Variants in TONSL observed in about 807,000 individuals in gnomAD.
The protein encoded by TONSL is tonsoku like, DNA repair protein, also known as tonsoku-like protein.
Under a neutral mutation model 147.1 loss-of-function variants are expected in TONSL, and 112 were observed. That is an observed-to-expected ratio of 0.76 (90% CI 0.65 to 0.89). The LOEUF is 0.89. Ranked by LOEUF, TONSL falls within the 40% of genes least tolerant of loss-of-function variation. TONSL has a pLI of 0.00. For synonymous variants in TONSL, 868 were observed against 801.5 expected (o/e 1.08, Z -1.40); for missense variants, 1,883 against 1,864.6 (o/e 1.01, Z -0.18).
rs202100361 is a variant in TONSL, at chr8:144,433,599, C to T, written c.3548G>A (p.Ser1183Asn). The change falls in exon 22 of 26, where the codon AGT becomes AAT. Residue 1183 changes from serine (S) to asparagine (N), a missense_variant. Coordinates refer to ENST00000409379, the MANE Select transcript of TONSL (RefSeq NM_013432.5). The part of the protein sequence containing the change: ...FFLSHQTALG[S>N]AFQDAEHLKT... Reference sequence around the variant, plus strand: ...CCTGGTCAGCTCACCTTGGAAAGCACTACCCAGTGCTGTCTGGTGGCTCAG... The same window carrying T: ...CCTGGTCAGCTCACCTTGGAAAGCATTACCCAGTGCTGTCTGGTGGCTCAG... 5.9e-5 allele frequency: 95 copies of T among 1,613,370 alleles called. No homozygotes were observed. The East Asian group carries it at 1.1e-3, about 18-fold the overall frequency.
In TONSL at chr8:144,429,289, C is replaced by A; in HGVS notation, c.3991G>T (p.Ala1331Ser). 6.6e-7 allele frequency: 1 copy of A among 1,506,814 alleles called. No individual in the cohort carries two copies. The highest frequency in any genetic ancestry group is 8.9e-7 in the Non-Finnish European group (1 of 1,124,144). 93.3% of individuals were successfully genotyped at this position (1,506,814 alleles called of 1,614,324 possible). ...AGCTGCAGTTCCCGGAGCTGCGCGG[C>A]TATCTTGTCCCACAGGCCCAGGCCC... is the stretch of plus-strand genomic sequence containing the variant. The part of the protein sequence containing the change: ...PLGLGLWDKI[A>S]AQLRELQLCS... The change falls in exon 26 of 26, where the codon GCC (alanine) becomes TCC (serine). Residue 1331 changes from alanine to serine, a missense_variant. Ala to Ser is a moderately conservative substitution (Grantham distance 99). Coordinates refer to ENST00000409379, the MANE Select transcript of TONSL (RefSeq NM_013432.5).
chr8:144,435,300 C>T, intron 18 of TONSL, 130 bp from the exon 19 acceptor site: 1 of 1,322,288 alleles, frequency 7.6e-7, no homozygotes, highest in Admixed American at 2.9e-5. Context: ...CCGGCCCCTC[C>T]TCTCCCTGCA....
Position 144,436,142 on chromosome 8 carries a change from G to T in TONSL, c.2291C>A (p.Ala764Asp), listed in dbSNP as rs374878445. 4.4e-5 allele frequency: 69 copies of T among 1,564,934 alleles called. No individual in the cohort carries two copies. The African/African-American group carries it at 7.1e-4, about 16-fold the overall frequency. ...RPSQKRPRCSATAQRVAAWTP... is the reference protein window; with the variant it reads ...RPSQKRPRCSDTAQRVAAWTP... ...CCAGGCTGCCACCCGTTGTGCTGTG[G>T]CCGAGCACCGAGGCCTCTTCTGGGA... The change falls in exon 17 of 26, where the codon GCC (alanine) becomes GAC (aspartate). Residue 764 changes from alanine (A) to aspartate (D), a missense_variant. Coordinates refer to ENST00000409379, the MANE Select transcript of TONSL (RefSeq NM_013432.5).
Position 144,432,322 on chromosome 8 carries a change from G to A in TONSL, c.3698C>T (p.Ser1233Leu), listed in dbSNP as rs782231158. 26 of 1,613,740 alleles carry A rather than the reference G, an allele frequency of 1.6e-5. No individual in the cohort carries two copies. The highest frequency in any genetic ancestry group is 6.6e-5 in the South Asian group (6 of 91,076). Residue 1233 changes from serine to leucine, a missense_variant, in exon 23 of 26, where the codon TCG (serine) becomes TTG (leucine). Transcript: ENST00000409379. ...LSSVAAGKGD[S>L]DLMEPVFRYL... The stretch of plus-strand genomic sequence containing the variant: ...TCGGAATACAGGCTCCATGAGGTCC[G>A]AATCACCCTTGCCGGCTGCCACGGA...
In TONSL at chr8:144,431,956, T is replaced by C. The variant is rs1252244468; in HGVS notation, c.3735+329A>G. 4.0e-5 allele frequency among the ~76,000 whole-genome samples: 6 copies of C among 151,776 alleles called. No individual in the cohort carries two copies. In the East Asian group the frequency reaches 9.7e-4, roughly 25 times the overall value. On this transcript the variant is annotated intron_variant, in intron 23 of 25. Transcript: ENST00000409379. ...CAATTCTCTGCCTCAGCATCCCGAGTAGCTGGGATTACAGGTACCCGCCAC... is the reference window on the plus strand; with the variant it reads ...CAATTCTCTGCCTCAGCATCCCGAGCAGCTGGGATTACAGGTACCCGCCAC...
At chr8:144,433,484 C>T in intron 22 of TONSL, 104 bp downstream of exon 22, 1 of 1,140,600 alleles carries the variant, frequency 8.8e-7, no homozygotes, top group Non-Finnish European at 1.3e-6. Flanking sequence ...GCTGGGACCA[C>T]AGGTGTTGCC....
At position 144,429,270 on chromosome 8, in the gene TONSL, A is replaced by T; in HGVS notation, c.4010T>A (p.Leu1337Gln). The change falls in exon 26 of 26, where the codon CTG becomes CAG. Residue 1337 changes from leucine to glutamine, a missense_variant. Leu to Gln is a moderately radical substitution (Grantham distance 113). Transcript: ENST00000409379. ...WDKIAAQLRE[L>Q]QLCSRRLCAE... The stretch of plus-strand genomic sequence containing the variant: ...GCAGAGGCGTCTGCTGCACAGCTGC[A>T]GTTCCCGGAGCTGCGCGGCTATCTT... 6.6e-7 allele frequency: 1 copy of T among 1,520,754 alleles called. No individual in the cohort carries two copies. The highest frequency in any genetic ancestry group is 8.8e-7 in the Non-Finnish European group (1 of 1,133,160). The allele number at this position is 1,520,754 out of a possible 1,614,324, so 94.2% of individuals were successfully genotyped here. A position where few individuals can be genotyped will look rare whatever the true frequency, so the allele number is the denominator to read the frequency against.
At position 144,436,104 on chromosome 8, in the gene TONSL, C is replaced by G. The variant is rs780463995; in HGVS notation, c.2329G>C (p.Ala777Pro). Residue 777 changes from alanine (A) to proline (P), a missense_variant, in exon 17 of 26, where the codon GCC becomes CCC. By Grantham distance (27) the Ala-to-Pro change is conservative. Transcript: ENST00000409379. ...GCTGTGGCTGCTTCCCTGTTGCTGG[C>G]GGGGCCAGGCGTCCAGGCTGCCACC... ...QRVAAWTPGPASNREAATAST... is the reference protein window; with the variant it reads ...QRVAAWTPGPPSNREAATAST... 2 of 1,556,770 alleles carry G rather than the reference C, an allele frequency of 1.3e-6. No individual in the cohort carries two copies. Among genetic ancestry groups the G allele is most frequent in the Non-Finnish European group, 1.7e-6 (2 of 1,157,752 alleles).
rs372881215 is a variant in TONSL at position 144,434,797 on chromosome 8, C to T, written c.3085+14G>A. The T allele has an allele frequency of 3.7e-6, 6 of 1,612,896 alleles. No homozygotes were observed. The highest frequency in any genetic ancestry group is 4.5e-5 in the East Asian group (2 of 44,874). ...ACGACCTCACCCAGAAACTGCAGCTCTCCTGGCCCTCACCTTGCCCCAGGC... is the reference window on the plus strand; with the variant it reads ...ACGACCTCACCCAGAAACTGCAGCTTTCCTGGCCCTCACCTTGCCCCAGGC... On this transcript the variant is annotated intron_variant, in intron 20 of 25. Transcript: ENST00000409379.
chr8:144,440,995 G>A lies in TONSL; in HGVS notation c.982C>T (p.Pro328Ser), dbSNP rs777660488. Residue 328 changes from proline to serine, a missense_variant, in exon 8 of 26, where the codon CCC (proline) becomes TCC (serine). Physicochemically the swap from Pro to Ser is moderately conservative, Grantham distance 74. Coordinates refer to ENST00000409379, the MANE Select transcript of TONSL (RefSeq NM_013432.5). Reference sequence around the variant, plus strand: ...TTCTGGTAAGCCTCAGCTGCCCTGGGAAAGTCTCCTGCCTTGGAGAAGAGG... The same window carrying A: ...TTCTGGTAAGCCTCAGCTGCCCTGGAAAAGTCTCCTGCCTTGGAGAAGAGG... ...GDLFSKAGDF[P>S]RAAEAYQKQL... 4 of 1,613,058 alleles carry A rather than the reference G, an allele frequency of 2.5e-6. No homozygotes were observed. Among genetic ancestry groups the A allele is most frequent in the Admixed American group, 3.3e-5 (2 of 60,010 alleles).
At chr8:144,429,632 C>T (rs1164973403) in intron 25 of TONSL, among the ~76,000 whole-genome samples, 1 of 152,224 alleles carries the variant, frequency 6.6e-6, no homozygotes, top group Admixed American at 6.5e-5. Flanking sequence ...CATAATGGAT[C>T]TGCTTGCAAA....
In TONSL at chr8:144,443,902, C is replaced by T. The variant is rs755102247; in HGVS notation, c.244G>A (p.Asp82Asn). ...KIGERLAEME[D>N]YPAALQHQHQ... is the part of the protein sequence containing the mutation. ...CGCACCTGCAAGGCAGCCGGGTAGT[C>T]CTCCATCTCGGCCAGGCGCTCTCCG... Residue 82 changes from aspartate to asparagine, a missense_variant, in exon 3 of 26, where the codon GAC becomes AAC. Coordinates refer to ENST00000409379, the MANE Select transcript of TONSL (RefSeq NM_013432.5). 8.4e-6 allele frequency: 13 copies of T among 1,545,510 alleles called. No individual in the cohort carries two copies. Among genetic ancestry groups the T allele is most frequent in the East Asian group, 2.4e-5 (1 of 40,924 alleles).
chr8:144,439,858 G>T lies in TONSL; in HGVS notation c.1480+163C>A, dbSNP rs1823634367. ...CAAGGCCGCCCCAGGCTCCCTGCGG[G>T]TCACCACCTTCTCTGTCCAGTTCCG... On this transcript the variant is annotated intron_variant, in intron 11 of 25. Transcript: ENST00000409379. 1.6e-5 allele frequency: 9 copies of T among 564,596 alleles called. No homozygotes were observed. The South Asian group carries it at 2.1e-4, about 13-fold the overall frequency. 35.0% of individuals were successfully genotyped at this position (564,596 alleles called of 1,614,324 possible). A position where few individuals can be genotyped will look rare whatever the true frequency, so the allele number is the denominator to read the frequency against.
At position 144,442,167 on chromosome 8, in the gene TONSL, C is replaced by T; in HGVS notation, c.751-16G>A. ...CTTGGAGGACCTGGAGAGCAAAGGACAGCAAAGGTTTTGCAGAATCCCCAA... is the reference window on the plus strand; with the variant it reads ...CTTGGAGGACCTGGAGAGCAAAGGATAGCAAAGGTTTTGCAGAATCCCCAA... On this transcript the variant is annotated splice_polypyrimidine_tract_variant and intron_variant, in intron 6 of 25. Coordinates refer to ENST00000409379, the MANE Select transcript of TONSL (RefSeq NM_013432.5). 6.2e-7 allele frequency: 1 copy of T among 1,605,636 alleles called. No individual in the cohort carries two copies. The highest frequency in any genetic ancestry group is 1.1e-5 in the South Asian group (1 of 90,596).
chr8:144,435,484 C>G lies in TONSL; in HGVS notation c.2842G>C (p.Val948Leu). 6.5e-7 allele frequency: 1 copy of G among 1,548,198 alleles called. No homozygotes were observed. The highest frequency in any genetic ancestry group is 8.7e-7 in the Non-Finnish European group (1 of 1,145,358). Residue 948 changes from valine (V) to leucine (L), a missense_variant, in exon 18 of 26, where the codon GTC becomes CTC. Coordinates refer to ENST00000409379, the MANE Select transcript of TONSL (RefSeq NM_013432.5). ...CAGGCGATGCCTCACCTGTGTGGGA[C>G]AGGGATGAGGAAGAGATGATCCTGA... ...QVQDHLFLIP[V>L]PHSSDTHSVA... is the part of the protein sequence containing the mutation.
At chr8:144,429,417 A>C in intron 25 of TONSL, 81 bp from the exon 26 acceptor site, 2 of 1,289,044 alleles carry the variant, frequency 1.6e-6, no homozygotes, top group Non-Finnish European at 2.0e-6. Context: ...CAGGGAACAA[A>C]CTCGCTTTCG....
rs749028352 is a variant in TONSL, at chr8:144,440,867, G to A, written c.1015C>T (p.Arg339Cys). The A allele has an allele frequency of 1.1e-5, 18 of 1,612,556 alleles. No individual in the cohort carries two copies. The African/African-American group carries it at 1.3e-4, about 12-fold the overall frequency. The change falls in exon 9 of 26, where the codon CGT becomes TGT. Residue 339 changes from arginine to cysteine, a missense_variant. Physicochemically the swap from Arg to Cys is radical, Grantham distance 180. Transcript: ENST00000409379. Reference protein sequence around the residue: ...RAAEAYQKQLRFAELLDRPGA... With the variant: ...RAAEAYQKQLCFAELLDRPGA... Reference sequence around the variant, plus strand: ...GGTCTGTCCAGCAGCTCAGCAAAACGCAGCTGGGGGCAGTGCCAGTGAGGC... The same window carrying A: ...GGTCTGTCCAGCAGCTCAGCAAAACACAGCTGGGGGCAGTGCCAGTGAGGC...
At chr8:144,432,842 A>C in intron 22 of TONSL, 2 of 173,558 alleles carry the variant, frequency 1.2e-5, no homozygotes, top group East Asian at 1.6e-4. Flanking sequence ...CTGCAGCCTG[A>C]GTGGGCTCAC....
Position 144,434,113 on chromosome 8 carries a change from G to GT in TONSL, c.3251dup (p.Asp1084GlufsTer6). The GT allele has an allele frequency of 6.2e-7, 1 of 1,612,162 alleles. No individual in the cohort carries two copies. The highest frequency in any genetic ancestry group is 1.3e-5 in the African/African-American group (1 of 75,048). On this transcript the variant is annotated frameshift_variant, in exon 21 of 26. Coordinates refer to ENST00000409379, the MANE Select transcript of TONSL (RefSeq NM_013432.5). LOFTEE classifies it high-confidence loss of function. ...CAGCCACCAGCTCAGCCACACACTT[G>GT]TCCCCCAGCCGGTTCCCTGCCAGGC...
Sources: allele counts gnomAD v4.1 joint callset (sites outside exome capture counted in the v4.1 genomes callset), GRCh38; gene constraint gnomAD v4.1.1; transcripts MANE v1.5; gene names NCBI Gene and HGNC (gene_info 2026-07-23, HGNC 2026-07-21).